Variants in SLTM observed in about 807,000 individuals in gnomAD.
SLTM encodes SAFB-like transcription modulator.
In SLTM, 43 loss-of-function variants were observed where a neutral mutation model predicts 134.6. The ratio of observed to expected loss-of-function variants is 0.32; its 90% CI spans 0.25 to 0.41. The LOEUF (loss-of-function observed/expected upper bound fraction) is 0.41. SLTM is among the 10% of genes least tolerant of loss of function. The pLI is 1.00. For missense variants in SLTM, 1,055 were observed against 1,288.8 expected, an observed-to-expected ratio of 0.82 and a Z score of 2.78; for synonymous variants, 424 against 432.3, an observed-to-expected ratio of 0.98 and a Z score of 0.24.
rs201735272 is a variant in SLTM at position 58,932,408 on chromosome 15, A to G, written c.198T>C (p.Ile66=). Residue 66 remains isoleucine (I), a synonymous_variant, in exon 2 of 21, where the codon ATT becomes ATC. Coordinates refer to ENST00000380516, the MANE Select transcript of SLTM (RefSeq NM_024755.4). ...GAGTATCAGTTGAAACAGTTAATTC[A>G]ATATTATCTGGATCGCCTCCTTCCT... is the stretch of plus-strand genomic sequence containing the variant. ...IEEEGGDPDN[I]ELTVSTDTPN... The G allele has an allele frequency of 3.7e-6, 6 of 1,613,460 alleles. No individual in the cohort carries two copies. Among genetic ancestry groups the G allele is most frequent in the Non-Finnish European group, 5.1e-6 (6 of 1,179,418 alleles).
At chr15:58,926,903 C>T (rs1275088947) in intron 2 of SLTM, among the ~76,000 whole-genome samples, 2 of 152,164 alleles carry the variant, frequency 1.3e-5, no homozygotes, top group Non-Finnish European at 2.9e-5. Flanking sequence ...TGAGCCACCG[C>T]GCCTGGCCAA....
At chr15:58,888,812 T>A in intron 16 of SLTM, 1 of 322,252 alleles carries the variant, frequency 3.1e-6, no homozygotes, top group Non-Finnish European at 5.6e-6. Flanking sequence ...GGAAAAGACA[T>A]TTAGCATTCA....
rs187507386 is a variant in SLTM, at chr15:58,891,616, G to A, written c.1899-1155C>T. ...TACAACATATTAAATGACATACAAC[G>A]TCAGTCTGTATTTGAAGCTGTCCCA... On this transcript the variant is annotated intron_variant, in intron 14 of 20. Transcript: ENST00000380516. Among the ~76,000 whole-genome samples the A allele has an allele frequency of 2.5e-3, 380 of 152,154 alleles. 4 individuals are homozygous for A. The highest frequency in any genetic ancestry group is 4.3e-3 in the Non-Finnish European group (289 of 67,996).
At chr15:58,880,940 TTAAGAA>T (rs2033647761) in intron 20 of SLTM, among the ~76,000 whole-genome samples, 2 of 152,144 alleles carry the variant, frequency 1.3e-5, no homozygotes, top group Non-Finnish European at 2.9e-5. Context: ...TAGAAGTCAT[TTAAGAA>T]TATTTCTGGA....
intron 19 of SLTM, among the ~76,000 whole-genome samples, chr15:58,886,425 C>T (rs762008111): frequency 1.3e-5 from 2 of 151,974 alleles, no homozygotes; most frequent in Non-Finnish European, 2.9e-5. Flanking sequence ...CACCACCACG[C>T]CCGGCTAATT....
At chr15:58,890,591 T>A in intron 14 of SLTM, 130 bp from the exon 15 acceptor site, 1 of 871,312 alleles carries the variant, frequency 1.1e-6, no homozygotes. Flanking sequence ...AGTTTTAATG[T>A]AATTGGAAAG....
chr15:58,928,069 T>C (rs2037608894), intron 2 of SLTM, among the ~76,000 whole-genome samples: 1 of 152,180 alleles, frequency 6.6e-6, no homozygotes, highest in African/African-American at 2.4e-5. Flanking sequence ...AAAAATCAGA[T>C]TGTACACATC....
intron 20 of SLTM, among the ~76,000 whole-genome samples, chr15:58,883,294 GAC>G (rs2033893062): frequency 6.6e-6 from 1 of 152,138 alleles, no homozygotes; most frequent in Non-Finnish European, 1.5e-5. Flanking sequence ...CAGCATGGGC[GAC>G]AGAGTGAGAC....
At chr15:58,884,586 G>A (rs1304708465) in intron 19 of SLTM, among the ~76,000 whole-genome samples, 1 of 151,928 alleles carries the variant, frequency 6.6e-6, no homozygotes, top group African/African-American at 2.4e-5. Flanking sequence ...CAAAGTGCTG[G>A]GATTACAGGT....
chr15:58,897,295 A>G, intron 8 of SLTM, 62 bp from the exon 9 acceptor site: 1 of 917,436 alleles, frequency 1.1e-6, no homozygotes, highest in Non-Finnish European at 1.8e-6. Flanking sequence ...ACAAAACTAT[A>G]AGGGCCACAT....
intron 5 of SLTM, among the ~76,000 whole-genome samples, chr15:58,912,256 C>G (rs1477969138): frequency 6.6e-6 from 1 of 151,970 alleles, no homozygotes; most frequent in African/African-American, 2.4e-5. Context: ...CCCGCCACCA[C>G]GCCTAGCTAA....
chr15:58,889,600 C>T (rs1567110183), intron 15 of SLTM, 46 bp from the exon 16 acceptor site: 1 of 1,609,422 alleles, frequency 6.2e-7, no homozygotes, highest in Non-Finnish European at 8.5e-7. Context: ...AAAATGAAAA[C>T]ATAAGATAAG....
intron 5 of SLTM, among the ~76,000 whole-genome samples, chr15:58,903,331 G>A (rs2035626689): frequency 6.6e-6 from 1 of 152,196 alleles, no homozygotes; most frequent in South Asian, 2.1e-4. Context: ...CAGCGTGCCT[G>A]GCCTTTAATA....
rs1003512863 is a variant in SLTM, at chr15:58,889,474, T to A, written c.2160A>T (p.Gln720His). Reference protein sequence around the residue: ...RRQQQQLRYEQEKRNSLKRPR... With the variant: ...RRQQQQLRYEHEKRNSLKRPR... ...GGCGTTTCAAGGAATTCCTTTTTTC[T>A]TGTTCATAACGAAGCTGCTGTTGTT... The change falls in exon 16 of 21, where the codon CAA (glutamine) becomes CAT (histidine). Residue 720 changes from glutamine to histidine, a missense_variant. Physicochemically the swap from Gln to His is conservative, Grantham distance 24 (BLOSUM62 0). Transcript: ENST00000380516. 1 of 1,614,136 alleles carries A rather than the reference T, an allele frequency of 6.2e-7. No individual in the cohort carries two copies.
intron 15 of SLTM, 52 bp from the exon 16 acceptor site, chr15:58,889,606 A>G (rs762801891): frequency 5.6e-6 from 9 of 1,606,794 alleles, no homozygotes; most frequent in South Asian, 2.2e-5. Context: ...AAAACATAAG[A>G]TAAGTATACA....
At position 58,933,533 on chromosome 15, in the gene SLTM, C is replaced by A; in HGVS notation, c.33G>T (p.Ser11=). The change falls in exon 1 of 21, where the codon TCG becomes TCT. Residue 11 remains serine (S), a synonymous_variant. Coordinates refer to ENST00000380516, the MANE Select transcript of SLTM (RefSeq NM_024755.4). ...TACCTTCCGCCTGACCCGAGGCGGC[C>A]GAGGCTGCCACCGCACCGGTAGCGG... is the stretch of plus-strand genomic sequence containing the variant. MAAATGAVAA[S]AASGQAEGKK... 6.3e-7 allele frequency: 1 copy of A among 1,596,008 alleles called. No individual in the cohort carries two copies. Among genetic ancestry groups the A allele is most frequent in the Non-Finnish European group, 8.5e-7 (1 of 1,172,588 alleles).
chr15:58,881,108 T>C (rs1176060900), intron 20 of SLTM, among the ~76,000 whole-genome samples: 4 of 151,718 alleles, frequency 2.6e-5, no homozygotes, highest in Admixed American at 2.0e-4. Context: ...CAAGGAGAAT[T>C]GCCTGAACCC....
intron 3 of SLTM, among the ~76,000 whole-genome samples, chr15:58,916,099 T>C (rs1278243093): frequency 1.3e-5 from 2 of 151,980 alleles, no homozygotes; most frequent in African/African-American, 4.8e-5. Context: ...TGAAATACAC[T>C]CATTTTCGGC....
At chr15:58,883,280 A>C (rs191285487) in intron 20 of SLTM, among the ~76,000 whole-genome samples, 34 of 152,346 alleles carry the variant, frequency 2.2e-4, no homozygotes, top group Admixed American at 1.6e-3. Context: ...TCGCCACTGC[A>C]GTCCAGCATG....
Sources: gnomAD v4.1 joint callset for allele counts (sites outside exome capture counted in the v4.1 genomes callset) on GRCh38, gnomAD v4.1.1 for gene constraint, MANE v1.5 for transcripts, NCBI Gene and HGNC (gene_info 2026-07-23, HGNC 2026-07-21) for gene names.